Variants in RP1 observed in about 807,000 individuals in gnomAD.
The protein encoded by RP1 is RP1 axonemal microtubule associated, also known as oxygen-regulated protein 1.
RP1 carries 16 observed loss-of-function variants against 14.8 expected under a neutral mutation model. That is an observed-to-expected ratio of 1.08 (90% CI 0.73 to 1.65). The LOEUF (loss-of-function observed/expected upper bound fraction) is 1.65. Among genes scored for constraint, RP1 ranks in the 40% most tolerant of loss-of-function variants. RP1 has a pLI of 0.00. For synonymous variants in RP1, 876 were observed against 883.6 expected, an observed-to-expected ratio of 0.99 and a Z score of 0.15; for missense variants, 2,631 against 2,535.0, an observed-to-expected ratio of 1.04 and a Z score of -0.81.
At chr8:54,832,740 T>C (rs1000465913) in intron 24 of RP1, among the ~76,000 whole-genome samples, 1 of 73,352 alleles carries the variant, frequency 1.4e-5, no homozygotes, top group Non-Finnish European at 3.4e-5. Flanking sequence ...CTGAAGAATG[T>C]TGAGTGCTGT....
rs535476830 is a variant in RP1, at chr8:54,758,456, AGGAG to A, written c.3094-446_3094-443del. 8.4e-3 allele frequency among the ~76,000 whole-genome samples: 961 copies of A among 114,254 alleles called. 3 individuals carry two copies. Among genetic ancestry groups the A allele is most frequent in the Non-Finnish European group, 0.012 (679 of 56,982 alleles). 75.0% of individuals were successfully genotyped at this position (114,254 alleles called of 152,430 possible). The stretch of plus-strand genomic sequence containing the variant: ...AAGGATGTATTGAAGGAGGGAGGGA[AGGAG>A]GGAGGGAGGGAGGGAGGGAAGGAGG... On this transcript the variant is annotated intron_variant, in intron 21 of 22. Coordinates refer to the RP1 transcript ENST00000636932.
chr8:54,815,027 G>T (rs943685878), intron 24 of RP1, among the ~76,000 whole-genome samples: 2 of 152,192 alleles, frequency 1.3e-5, no homozygotes, highest in African/African-American at 4.8e-5. Flanking sequence ...AATAAAAAAA[G>T]AATTTTGTCC....
intron 24 of RP1, among the ~76,000 whole-genome samples, chr8:54,836,160 A>C (rs918758853): frequency 6.6e-6 from 1 of 152,192 alleles, no homozygotes; most frequent in African/African-American, 2.4e-5. Flanking sequence ...GGTCTGGATA[A>C]CGGGTGTAAT....
At chr8:54,837,322 C>T in intron 24 of RP1, 1 of 405,580 alleles carries the variant, frequency 2.5e-6, no homozygotes, top group Non-Finnish European at 4.3e-6. Flanking sequence ...TTAGAAGTAA[C>T]TGGTTCTAAG....
At chr8:54,700,432 T>C (rs1418612415) in intron 13 of RP1, among the ~76,000 whole-genome samples, 1 of 152,136 alleles carries the variant, frequency 6.6e-6, no homozygotes, top group Non-Finnish European at 1.5e-5. Context: ...TGTGTATTTG[T>C]ATGCCTGAAA....
intron 24 of RP1, among the ~76,000 whole-genome samples, chr8:54,814,787 TAA>T (rs1286696383): frequency 2.0e-5 from 3 of 152,176 alleles, no homozygotes; most frequent in Non-Finnish European, 4.4e-5. Flanking sequence ...ATGGGCTCAT[TAA>T]AAAGAGTGCA....
intron 25 of RP1, among the ~76,000 whole-genome samples, chr8:54,850,370 C>T (rs1812032971): frequency 6.6e-6 from 1 of 152,186 alleles, no homozygotes; most frequent in South Asian, 2.1e-4. Context: ...AAGTTCTCTT[C>T]TTACATATTT....
At chr8:54,788,358 T>C (rs1253665674) in intron 24 of RP1, among the ~76,000 whole-genome samples, 2 of 152,240 alleles carry the variant, frequency 1.3e-5, no homozygotes, top group African/African-American at 2.4e-5. Flanking sequence ...CTATTAGCCA[T>C]TAGCTAGATG....
intron 7 of RP1, among the ~76,000 whole-genome samples, chr8:54,664,655 C>A (rs900998557): frequency 6.6e-6 from 1 of 152,108 alleles, no homozygotes; most frequent in African/African-American, 2.4e-5. Context: ...GAACATCTTT[C>A]ATATGCTTAT....
In RP1 at chr8:54,855,444, T is replaced by C. The variant is rs1206143011; in HGVS notation, c.3991-1584T>C. ...CGCTATGAACATGACTAGACAGTTA[T>C]AAGCTAAAACTTTAAAGACAAATCA... On this transcript the variant is annotated intron_variant, in intron 26 of 28. Transcript: ENST00000637698. Among the ~76,000 whole-genome samples the C allele has an allele frequency of 2.0e-5, 3 of 152,220 alleles. No homozygotes were observed. In the East Asian group the frequency reaches 5.8e-4, roughly 29 times the overall value.
In RP1 at chr8:54,625,944, GGAC is replaced by G; in HGVS notation, c.2063_2065del (p.Gly688_Gln689delinsGlu). On this transcript the variant is annotated inframe_deletion, in exon 4 of 4. Transcript: ENST00000220676. ...AGCAATAAATTCCAGGTATCAAGAT[GGAC>G]AGCTTGCAACCAAAGGAATTCTTAA... The G allele has an allele frequency of 6.2e-6, 10 of 1,613,782 alleles. No homozygotes were observed. Among genetic ancestry groups the G allele is most frequent in the Non-Finnish European group, 8.5e-6 (10 of 1,179,906 alleles).
chr8:54,822,949 T>G (rs926601141), intron 24 of RP1, among the ~76,000 whole-genome samples: 1 of 152,220 alleles, frequency 6.6e-6, no homozygotes, highest in Non-Finnish European at 1.5e-5. Context: ...TACGTATTCC[T>G]TGGAAGTTGC....
chr8:54,754,354 T>A lies in RP1; in HGVS notation c.2809-449T>A, dbSNP rs576978469. 1.2e-3 allele frequency among the ~76,000 whole-genome samples: 181 copies of A among 151,970 alleles called. 1 individual carries two copies. Among genetic ancestry groups the A allele is most frequent in the African/African-American group, 4.2e-3 (173 of 41,420 alleles). ...CTCTTAGATTGTTTTTTTTTTTAAA[T>A]CACTACCACAGGTGAAATTGAGAGC... On this transcript the variant is annotated intron_variant, in intron 19 of 22. Transcript: ENST00000636932.
exon 16 of RP1, chr8:54,720,245 G>A (rs913435347): frequency 2.0e-6 from 3 of 1,535,940 alleles, no homozygotes; most frequent in Non-Finnish European, 2.6e-6. Context: ...CAGATGGGCA[G>A]GCAAAACCAA....
upstream of RP1, among the ~76,000 whole-genome samples, chr8:54,614,536 G>A (rs1225587830): frequency 2.0e-5 from 3 of 152,132 alleles, no homozygotes; most frequent in Non-Finnish European, 1.5e-5. Flanking sequence ...GGGAAGCCAT[G>A]GTTTAGATAC....
At chr8:54,695,480 T>A (rs560463584) in intron 12 of RP1, among the ~76,000 whole-genome samples, 1 of 152,070 alleles carries the variant, frequency 6.6e-6, no homozygotes, top group South Asian at 2.1e-4. Context: ...GAGTTCTTAC[T>A]GAAAAAAATA....
intron 25 of RP1, among the ~76,000 whole-genome samples, chr8:54,851,229 A>C (rs553265996): frequency 2.0e-5 from 3 of 152,294 alleles, no homozygotes; most frequent in African/African-American, 7.2e-5. Flanking sequence ...ATGGTTGAGG[A>C]AGGGCTGAGT....
intron 1 of RP1, among the ~76,000 whole-genome samples, chr8:54,574,281 G>T (rs953381710): frequency 6.6e-6 from 1 of 152,178 alleles, no homozygotes; most frequent in African/African-American, 2.4e-5. Context: ...AACTGTGAAA[G>T]AATGCTATTG....
intron 15 of RP1, among the ~76,000 whole-genome samples, chr8:54,709,299 T>C (rs1585626172): frequency 6.6e-6 from 1 of 152,310 alleles, no homozygotes; most frequent in Admixed American, 6.5e-5. Context: ...GGGAGAACAC[T>C]CTGTGCCATG....
Sources: allele counts gnomAD v4.1 joint callset (sites outside exome capture counted in the v4.1 genomes callset), GRCh38; gene constraint gnomAD v4.1.1; transcripts MANE v1.5; gene names NCBI Gene and HGNC (gene_info 2026-07-23, HGNC 2026-07-21).